HTR1E: variants seen among roughly 807,000 people sequenced by gnomAD.
HTR1E encodes 5-HT-1E.
Under a neutral mutation model 3.4 loss-of-function variants are expected in HTR1E, and 3 were observed. That is an observed-to-expected ratio of 0.89 (90% CI 0.41 to 2.31). The LOEUF is 2.31. HTR1E is among the 30% of genes most tolerant of loss of function. HTR1E has a pLI of 0.05. For synonymous variants in HTR1E, 170 were observed against 182.8 expected (o/e 0.93, Z 0.56); for missense variants, 392 against 467.0 (o/e 0.84, Z 1.48).
At chr6:87,010,527 C>T (rs1388386620) in intron 1 of HTR1E, among the ~76,000 whole-genome samples, 99 of 140,248 alleles carry the variant, frequency 7.1e-4, no homozygotes, top group African/African-American at 2.4e-3. Context: ...GGGGCAGAGG[C>T]GCTCCCCACA....
chr6:87,012,245 G>A (rs1018565318), intron 1 of HTR1E, among the ~76,000 whole-genome samples: 1 of 152,186 alleles, frequency 6.6e-6, no homozygotes, highest in African/African-American at 2.4e-5. Flanking sequence ...ACTTGGGGGT[G>A]TGGTTGGGGT....
chr6:86,967,527 A>T (rs1321377013), intron 1 of HTR1E, among the ~76,000 whole-genome samples: 1 of 152,204 alleles, frequency 6.6e-6, no homozygotes, highest in Non-Finnish European at 1.5e-5. Flanking sequence ...TTATTATTTA[A>T]CATTCGTTAA....
intron 1 of HTR1E, among the ~76,000 whole-genome samples, chr6:86,990,951 C>A (rs1039628343): frequency 6.6e-6 from 1 of 152,044 alleles, no homozygotes; most frequent in Non-Finnish European, 1.5e-5. Context: ...CAAATGCTAC[C>A]TTAACCAAAT....
intron 1 of HTR1E, among the ~76,000 whole-genome samples, chr6:86,969,586 A>G (rs1450383517): frequency 6.6e-6 from 1 of 152,146 alleles, no homozygotes; most frequent in African/African-American, 2.4e-5. Context: ...CATTCTGTGC[A>G]TTGTATTGTC....
chr6:86,956,433 T>C (rs1767325116), intron 1 of HTR1E, among the ~76,000 whole-genome samples: 1 of 152,172 alleles, frequency 6.6e-6, no homozygotes, highest in African/African-American at 2.4e-5. Flanking sequence ...TTCCAGTTCT[T>C]TAGATAATAA....
chr6:86,988,900 T>C (rs1283166996), intron 1 of HTR1E, among the ~76,000 whole-genome samples: 2 of 152,186 alleles, frequency 1.3e-5, no homozygotes, highest in Non-Finnish European at 2.9e-5. Flanking sequence ...GTGTGTATGT[T>C]TGATAGAAAG....
rs560904695 is a variant in HTR1E at position 86,945,522 on chromosome 6, C to T, written c.-186+7699C>T. On this transcript the variant is annotated intron_variant, in intron 1 of 1. Transcript: ENST00000305344. ...CCTCCCAAAGTGCTGGGATTACAGGCGTGAGTATCTTAGTTTTTAACAAAA... is the reference window on the plus strand; with the variant it reads ...CCTCCCAAAGTGCTGGGATTACAGGTGTGAGTATCTTAGTTTTTAACAAAA... 6.4e-4 allele frequency among the ~76,000 whole-genome samples: 97 copies of T among 151,168 alleles called. 1 individual carries two copies. Among genetic ancestry groups the T allele is most frequent in the African/African-American group, 2.3e-3 (93 of 41,170 alleles).
intron 1 of HTR1E, among the ~76,000 whole-genome samples, chr6:86,975,369 C>T (rs1767615422): frequency 6.6e-6 from 1 of 152,182 alleles, no homozygotes. Flanking sequence ...ATCAACTTCT[C>T]ACATAAATAT....
intron 1 of HTR1E, among the ~76,000 whole-genome samples, chr6:87,009,222 T>C (rs992308063): frequency 2.0e-5 from 3 of 150,118 alleles, no homozygotes; most frequent in Non-Finnish European, 4.4e-5. Context: ...TCCGCAGTGT[T>C]TGTGTCCCTG....
intron 1 of HTR1E, among the ~76,000 whole-genome samples, chr6:87,003,538 CAA>C (rs56069995): frequency 2.0e-3 from 267 of 133,424 alleles, no homozygotes; most frequent in African/African-American, 3.2e-3. Flanking sequence ...GACTCCATCT[CAA>C]AAAAAAAAAA....
At chr6:86,956,969 G>C (rs571073264) in intron 1 of HTR1E, among the ~76,000 whole-genome samples, 2 of 152,228 alleles carry the variant, frequency 1.3e-5, no homozygotes, top group South Asian at 2.1e-4. Flanking sequence ...TTGTTTATTT[G>C]TTTGTTTGCT....
rs189817972 is a variant in HTR1E at position 86,950,779 on chromosome 6, G to C, written c.-186+12956G>C. Among the ~76,000 whole-genome samples, 238 of 152,164 alleles carry C rather than the reference G, an allele frequency of 1.6e-3. 1 individual carries two copies. The highest frequency in any genetic ancestry group is 5.4e-3 in the African/African-American group (226 of 41,512). On this transcript the variant is annotated intron_variant, in intron 1 of 1. Coordinates refer to ENST00000305344, the MANE Select transcript of HTR1E (RefSeq NM_000865.3). ...GTTTTGTCATTAGATGAGTAAATTG[G>C]ACCAAATTCTATAAAAAGTGCCTTT...
rs752305693 is a variant in HTR1E, at chr6:87,016,326, G to A, written c.992G>A (p.Trp331Ter). The A allele has an allele frequency of 6.2e-7, 1 of 1,614,164 alleles. No homozygotes were observed. The highest frequency in any genetic ancestry group is 8.5e-7 in the Non-Finnish European group (1 of 1,180,030). Residue 331 changes from tryptophan to a stop codon, truncating the protein, a stop_gained, in exon 2 of 2, where the codon TGG (tryptophan) becomes TAG (stop). Coordinates refer to ENST00000305344, the MANE Select transcript of HTR1E (RefSeq NM_000865.3). LOFTEE classifies it high-confidence loss of function. ...VSSEVADFLT[W>*]LGYVNSLINP... ...TCGGAAGTGGCCGACTTTCTGACGT[G>A]GCTCGGTTATGTGAATTCTCTGATC...
chr6:86,995,841 T>C (rs558746637), intron 1 of HTR1E, among the ~76,000 whole-genome samples: 70 of 151,296 alleles, frequency 4.6e-4, no homozygotes, highest in Non-Finnish European at 8.4e-4. Flanking sequence ...TAATATCAGA[T>C]AAAATGGACT....
chr6:86,960,955 A>G (rs1048333592), intron 1 of HTR1E, among the ~76,000 whole-genome samples: 1 of 152,248 alleles, frequency 6.6e-6, no homozygotes, highest in Non-Finnish European at 1.5e-5. Context: ...CCCCCACAAT[A>G]GTGTGTCTGA....
intron 1 of HTR1E, among the ~76,000 whole-genome samples, chr6:87,003,275 AG>A (rs1768051459): frequency 6.6e-6 from 1 of 152,152 alleles, no homozygotes; most frequent in South Asian, 2.1e-4. Flanking sequence ...CAGTGGCTCA[AG>A]CCTGTAATTC....
chr6:86,986,425 G>A (rs543648184), intron 1 of HTR1E, among the ~76,000 whole-genome samples: 27 of 152,252 alleles, frequency 1.8e-4, no homozygotes, highest in African/African-American at 4.6e-4. Flanking sequence ...TAGATTTCAC[G>A]AAGATGACAG....
chr6:86,965,188 G>A (rs926669637), intron 1 of HTR1E, among the ~76,000 whole-genome samples: 2 of 152,080 alleles, frequency 1.3e-5, no homozygotes, highest in African/African-American at 4.8e-5. Flanking sequence ...GTCCATCCTG[G>A]GCATGCTCAC....
intron 1 of HTR1E, among the ~76,000 whole-genome samples, chr6:86,983,132 T>C (rs1342071330): frequency 6.6e-6 from 1 of 152,220 alleles, no homozygotes; most frequent in Non-Finnish European, 1.5e-5. Context: ...CTCTTTGTCT[T>C]TCTTAACTTG....
Sources: gnomAD v4.1 joint callset for allele counts (sites outside exome capture counted in the v4.1 genomes callset) on GRCh38, gnomAD v4.1.1 for gene constraint, MANE v1.5 for transcripts, NCBI Gene and HGNC (gene_info 2026-07-23, HGNC 2026-07-21) for gene names.